Variants in CDH23 observed in about 807,000 individuals in gnomAD.
CDH23 encodes cadherin related 23, also known as cadherin-23.
In CDH23, 189 loss-of-function variants were observed where a neutral mutation model predicts 317.1. That is an observed-to-expected ratio of 0.60 (90% CI 0.53 to 0.67). The LOEUF (loss-of-function observed/expected upper bound fraction) is 0.67, where lower values mean the gene tolerates loss of function less well. CDH23 is among the 30% of genes least tolerant of loss of function. CDH23 has a pLI of 0.00. For missense variants in CDH23, 4,401 were observed against 4,592.4 expected (o/e 0.96, Z 1.20); for synonymous variants, 1,839 against 1,876.8 (o/e 0.98, Z 0.52).
intron 4 of CDH23, 59 bp from the exon 5 acceptor site, chr10:71,510,895 A>C: frequency 6.4e-7 from 1 of 1,574,006 alleles, no homozygotes; most frequent in Non-Finnish European, 8.7e-7. Flanking sequence ...TTTAGGGCCC[A>C]GGACCCAGGA....
chr10:71,525,116 A>G (rs1854958181), intron 6 of CDH23, among the ~76,000 whole-genome samples: 1 of 152,148 alleles, frequency 6.6e-6, no homozygotes, highest in Non-Finnish European at 1.5e-5. Context: ...CCATTTGGCC[A>G]GGCTGGCCTT....
In CDH23 at chr10:71,805,823, C is replaced by T; in HGVS notation, c.7890C>T (p.Ser2630=). ...CCCCACAGGAGATCCCGCTGCGCTC[C>T]AACGTGTACGAGGTCTACGCCACGG... ...LHIREEIPLR[S]NVYEVYATDK... The change falls in exon 56 of 70, where the codon TCC becomes TCT. Residue 2630 remains serine (S), a synonymous_variant. Coordinates refer to ENST00000224721, the MANE Select transcript of CDH23 (RefSeq NM_022124.6). The T allele has an allele frequency of 6.2e-7, 1 of 1,613,474 alleles. No individual in the cohort carries two copies. The highest frequency in any genetic ancestry group is 8.5e-7 in the Non-Finnish European group (1 of 1,179,750).
At chr10:71,754,293 A>G (rs1350508748) in intron 38 of CDH23, among the ~76,000 whole-genome samples, 1 of 151,404 alleles carries the variant, frequency 6.6e-6, no homozygotes, top group Admixed American at 6.6e-5. Context: ...TGAGGTGGCC[A>G]CAGCCCCCGA....
chr10:71,754,200 C>T (rs1047504234), intron 38 of CDH23, among the ~76,000 whole-genome samples: 3 of 152,148 alleles, frequency 2.0e-5, no homozygotes, highest in Admixed American at 6.5e-5. Flanking sequence ...TACCTGCCCC[C>T]ACCCACCCCC....
chr10:71,638,895 C>T (rs1456518981), intron 11 of CDH23, among the ~76,000 whole-genome samples: 1 of 152,102 alleles, frequency 6.6e-6, no homozygotes, highest in Admixed American at 6.5e-5. Flanking sequence ...AGGGAGGGGG[C>T]AAGGTCTAGG....
At chr10:71,775,379 A>C (rs1108828) in intron 38 of CDH23, among the ~76,000 whole-genome samples, 59,379 of 151,906 alleles carry the variant, frequency 0.39, 11,852 homozygotes, top group East Asian at 0.47. Context: ...GAGAAAGGGG[A>C]GCAATTGCCC....
rs34311857 is a variant in CDH23, at chr10:71,609,951, CGTGTGTGTGTGTGTGTGT to C, written c.833-5525_833-5508del. 1.3e-3 allele frequency among the ~76,000 whole-genome samples: 185 copies of C among 142,870 alleles called. 1 individual carries two copies. Among genetic ancestry groups the C allele is most frequent in the South Asian group, 3.3e-3 (14 of 4,232 alleles). 93.7% of individuals were successfully genotyped at this position (142,870 alleles called of 152,430 possible). On this transcript the variant is annotated intron_variant, in intron 9 of 69. Coordinates refer to ENST00000224721, the MANE Select transcript of CDH23 (RefSeq NM_022124.6). ...TTTCCAGAATGTGTAAGGACTCCCC[CGTGTGTGTGTGTGTGTGT>C]GTGTGTGTGTGTGTGTGTGTGTGTG...
intron 14 of CDH23, among the ~76,000 whole-genome samples, chr10:71,648,309 A>G (rs1862994460): frequency 6.6e-6 from 1 of 152,112 alleles, no homozygotes; most frequent in Non-Finnish European, 1.5e-5. Context: ...TCTGGACCCA[A>G]AGTGTGTGTC....
chr10:71,734,783 G>A, intron 34 of CDH23, 125 bp downstream of exon 34: 1 of 575,892 alleles, frequency 1.7e-6, no homozygotes, highest in Non-Finnish European at 3.2e-6. Context: ...GCCTGCAGCA[G>A]GCCCCCTCCC....
At chr10:71,685,945 G>A (rs910971475) in intron 18 of CDH23, among the ~76,000 whole-genome samples, 1 of 152,156 alleles carries the variant, frequency 6.6e-6, no homozygotes, top group African/African-American at 2.4e-5. Context: ...CAGCAATGAA[G>A]TTGTTGATGG....
intron 3 of CDH23, among the ~76,000 whole-genome samples, chr10:71,452,442 T>G (rs527775325): frequency 6.6e-5 from 10 of 152,280 alleles, no homozygotes; most frequent in Non-Finnish European, 1.2e-4. Context: ...CCCCCAGCAC[T>G]GACACCTCGC....
rs185463669 is a variant in CDH23 at position 71,495,698 on chromosome 10, G to A, written c.146-14384G>A. The stretch of plus-strand genomic sequence containing the variant: ...AAAAAAAAATTGTAAAATTAGCCAG[G>A]TGCAGTGGCGCACTTGTAGTCCTAG... On this transcript the variant is annotated intron_variant, in intron 3 of 69. Coordinates refer to ENST00000224721, the MANE Select transcript of CDH23 (RefSeq NM_022124.6). Among the ~76,000 whole-genome samples, 246 of 151,526 alleles carry A rather than the reference G, an allele frequency of 1.6e-3. 3 individuals are homozygous for A. The highest frequency in any genetic ancestry group is 2.6e-3 in the Admixed American group (40 of 15,214).
In CDH23 at chr10:71,812,822, C is replaced by A; in HGVS notation, c.9565C>A (p.Arg3189=). The A allele has an allele frequency of 6.2e-7, 1 of 1,613,460 alleles. No individual in the cohort carries two copies. Among genetic ancestry groups the A allele is most frequent in the Non-Finnish European group, 8.5e-7 (1 of 1,179,622 alleles). ...CAAGCCTGATGATGACCGATACCTGCGGGCTGCCATCCAGGAGTATGACAA... is the reference window on the plus strand; with the variant it reads ...CAAGCCTGATGATGACCGATACCTGAGGGCTGCCATCCAGGAGTATGACAA... The part of the protein sequence containing the change: ...AVKPDDDRYL[R]AAIQEYDNIA... Residue 3189 remains arginine (R), a synonymous_variant, in exon 68 of 70, where the codon CGG becomes AGG. Transcript: ENST00000224721.
chr10:71,646,435 TG>T (rs1258747869), intron 13 of CDH23, 23 bp from the exon 14 acceptor site: 1 of 1,610,858 alleles, frequency 6.2e-7, no homozygotes, highest in South Asian at 1.1e-5. Flanking sequence ...GGAGCTTACC[TG>T]GGCCCCTGTT....
intron 14 of CDH23, among the ~76,000 whole-genome samples, chr10:71,674,858 C>T (rs1201259901): frequency 6.6e-6 from 1 of 152,176 alleles, no homozygotes; most frequent in African/African-American, 2.4e-5. Flanking sequence ...GGAGGAGGGC[C>T]TCCCTGGGAT....
At chr10:71,403,408 TCTTCCTTCCTTCCTTCCTTCCTTC>T (rs1176829681) in intron 1 of CDH23, among the ~76,000 whole-genome samples, 1 of 57,066 alleles carries the variant, frequency 1.8e-5, no homozygotes, top group African/African-American at 1.3e-4. Flanking sequence ...TCTTTCTTTC[TCTTCCTTCCTTCCTTCCTTCCTTC>T]CTTCCTTCCT....
chr10:71,400,431 C>G (rs1847728265), intron 1 of CDH23, among the ~76,000 whole-genome samples: 1 of 130,294 alleles, frequency 7.7e-6, no homozygotes, highest in African/African-American at 4.5e-5. Context: ...ATGGGAGACA[C>G]AGTCATGGGC....
At chr10:71,542,328 A>G (rs1250136140) in intron 6 of CDH23, among the ~76,000 whole-genome samples, 1 of 152,204 alleles carries the variant, frequency 6.6e-6, no homozygotes, top group Non-Finnish European at 1.5e-5. Context: ...CCTCATATGG[A>G]GAATGAGGGA....
At chr10:71,792,840 A>AT (rs1841292074) in intron 47 of CDH23, among the ~76,000 whole-genome samples, 2 of 74,946 alleles carry the variant, frequency 2.7e-5, no homozygotes, top group African/African-American at 4.6e-5. Flanking sequence ...AAAAAAAAAA[A>AT]AAAAAAAAAA....
Sources: gnomAD v4.1 joint callset for allele counts (sites outside exome capture counted in the v4.1 genomes callset) on GRCh38, gnomAD v4.1.1 for gene constraint, MANE v1.5 for transcripts, NCBI Gene and HGNC (gene_info 2026-07-23, HGNC 2026-07-21) for gene names.